PTK2B: variants seen among roughly 807,000 people sequenced by gnomAD.
PTK2B encodes the protein protein-tyrosine kinase 2-beta.
PTK2B carries 71 observed loss-of-function variants against 142.9 expected under a neutral mutation model. That is an observed-to-expected ratio of 0.50 (90% CI 0.41 to 0.61). The LOEUF (loss-of-function observed/expected upper bound fraction) is 0.61, where lower values mean the gene tolerates loss of function less well. Among genes scored for constraint, PTK2B ranks in the 20% least tolerant of loss-of-function variants. The pLI, the probability that PTK2B is intolerant of heterozygous loss-of-function variation, is 0.00. For synonymous variants in PTK2B, 519 were observed against 503.4 expected, an observed-to-expected ratio of 1.03 and a Z score of -0.42; for missense variants, 1,105 against 1,320.4, an observed-to-expected ratio of 0.84 and a Z score of 2.53.
intron 26 of PTK2B, among the ~76,000 whole-genome samples, 194 bp downstream of exon 26, chr8:27,451,272 C>T (rs1206334610): frequency 6.6e-6 from 1 of 152,136 alleles, no homozygotes; most frequent in Non-Finnish European, 1.5e-5. Context: ...CTCCTGTGAT[C>T]GTGCCCTTAG....
chr8:27,381,163 A>C (rs1806995016), intron 1 of PTK2B, among the ~76,000 whole-genome samples: 1 of 152,228 alleles, frequency 6.6e-6, no homozygotes, highest in East Asian at 1.9e-4. Context: ...CATATTCATC[A>C]TGGAAAGCAT....
At position 27,437,390 on chromosome 8, in the gene PTK2B, C is replaced by T; in HGVS notation, c.1427-6C>T. ...CACCTGTCCCTCTTGCCCCACCACA[C>T]TGCAGTGATCATGAAGAACCTCGAC... On this transcript the variant is annotated splice_polypyrimidine_tract_variant and splice_region_variant and intron_variant, in intron 16 of 30. Coordinates refer to ENST00000346049, the MANE Select transcript of PTK2B (RefSeq NM_173176.3). 1.2e-6 allele frequency: 2 copies of T among 1,610,352 alleles called. No individual in the cohort carries two copies. The highest frequency in any genetic ancestry group is 1.7e-6 in the Non-Finnish European group (2 of 1,178,002).
intron 1 of PTK2B, among the ~76,000 whole-genome samples, chr8:27,388,262 C>T (rs1347803521): frequency 2.0e-5 from 3 of 152,086 alleles, no homozygotes; most frequent in African/African-American, 7.2e-5. Context: ...CAGAGGGGGA[C>T]ATGAGATTTG....
intron 22 of PTK2B, among the ~76,000 whole-genome samples, chr8:27,443,527 T>C (rs141160563): frequency 3.7e-4 from 57 of 152,324 alleles, no homozygotes; most frequent in African/African-American, 1.3e-3. Flanking sequence ...TGGTGTCTTG[T>C]GAGGGCTCTC....
At position 27,434,522 on chromosome 8, in the gene PTK2B, G is replaced by A. The variant is rs1224367036; in HGVS notation, c.1155G>A (p.Glu385=). The A allele has an allele frequency of 1.9e-6, 3 of 1,609,138 alleles. No homozygotes were observed. In the African/African-American group the frequency reaches 4.0e-5, roughly 22 times the overall value. Reference sequence around the variant, plus strand: ...CTCTCACCTCCTACAGAAACCTGGAGGCCCGGCGGTCCCACCTCTCAGAGA... The same window carrying A: ...CTCTCACCTCCTACAGAAACCTGGAAGCCCGGCGGTCCCACCTCTCAGAGA... The part of the protein sequence containing the change: ...SLPQIPMLNL[E]ARRSHLSESC... Residue 385 remains glutamate (E), a synonymous_variant, in exon 13 of 31, where the codon GAG becomes GAA. Transcript: ENST00000346049.
Position 27,435,735 on chromosome 8 carries a change from T to G in PTK2B, c.1193-8T>G, listed in dbSNP as rs370152826. The G allele has an allele frequency of 6.2e-7, 1 of 1,614,030 alleles. No homozygotes were observed. Among genetic ancestry groups the G allele is most frequent in the Non-Finnish European group, 8.5e-7 (1 of 1,180,028 alleles). The stretch of plus-strand genomic sequence containing the variant: ...TGTCCACGGCTGAGCCTCTTCCTGT[T>G]GTTCCAGAGTCAGACATCTACGCAG... On this transcript the variant is annotated splice_polypyrimidine_tract_variant and splice_region_variant and intron_variant, in intron 13 of 30. Coordinates refer to ENST00000346049, the MANE Select transcript of PTK2B (RefSeq NM_173176.3).
intron 7 of PTK2B, 67 bp downstream of exon 7, chr8:27,430,485 C>T: frequency 6.3e-7 from 1 of 1,587,698 alleles, no homozygotes; most frequent in Non-Finnish European, 8.6e-7. Context: ...AGGGATGAGG[C>T]TGGGGCTGGG....
chr8:27,359,799 C>T (rs1355952960), intron 1 of PTK2B, among the ~76,000 whole-genome samples: 2 of 152,116 alleles, frequency 1.3e-5, no homozygotes, highest in East Asian at 3.9e-4. Context: ...CTTCTTCATG[C>T]CCAGGGCTGG....
At chr8:27,357,112 T>C (rs1805436191) in intron 1 of PTK2B, among the ~76,000 whole-genome samples, 1 of 152,182 alleles carries the variant, frequency 6.6e-6, no homozygotes, top group Non-Finnish European at 1.5e-5. Context: ...TGTAGTTCAG[T>C]CACAGTATTA....
chr8:27,321,665 A>G (rs1385855049), upstream of PTK2B, among the ~76,000 whole-genome samples: 1 of 152,228 alleles, frequency 6.6e-6, no homozygotes, highest in Non-Finnish European at 1.5e-5. Context: ...AGTTGCGTGC[A>G]TAACTTCTAC....
intron 2 of PTK2B, 25 bp downstream of exon 2, chr8:27,397,813 C>G: frequency 6.2e-7 from 1 of 1,609,376 alleles, no homozygotes; most frequent in East Asian, 2.2e-5. Flanking sequence ...TCTGCCCTGT[C>G]CATCTGTCTG....
At chr8:27,313,800 A>C (rs926158661) in intron 3 of PTK2B, among the ~76,000 whole-genome samples, 3 of 152,178 alleles carry the variant, frequency 2.0e-5, no homozygotes, top group African/African-American at 7.2e-5. Flanking sequence ...TACCAATCTC[A>C]AGTGTTTTTA....
At chr8:27,360,917 A>G (rs371847494) in intron 1 of PTK2B, among the ~76,000 whole-genome samples, 28 of 152,296 alleles carry the variant, frequency 1.8e-4, no homozygotes, top group African/African-American at 6.0e-4. Flanking sequence ...CGAAATGGTC[A>G]GTGGGGTGAT....
upstream of PTK2B, chr8:27,311,160 C>T (rs766120297): frequency 6.2e-7 from 1 of 1,607,166 alleles, no homozygotes; most frequent in Admixed American, 1.7e-5. Context: ...CGGAAGGGGT[C>T]GTAGCAGACG....
Position 27,342,118 on chromosome 8 carries a change from G to C in PTK2B, c.-38+16437G>C, listed in dbSNP as rs77175648. 4.5e-3 allele frequency among the ~76,000 whole-genome samples: 683 copies of C among 152,126 alleles called. 7 individuals carry two copies. The highest frequency in any genetic ancestry group is 0.035 in the East Asian group (178 of 5,158). ...ACCCCACTTTGAGAACCACTGCAGT[G>C]GAGGTCCCCCACAGGGATGTACCCT... On this transcript the variant is annotated intron_variant, in intron 1 of 30. Coordinates refer to ENST00000346049, the MANE Select transcript of PTK2B (RefSeq NM_173176.3).
intron 2 of PTK2B, among the ~76,000 whole-genome samples, chr8:27,417,291 G>A (rs1435804736): frequency 6.6e-6 from 1 of 152,204 alleles, no homozygotes; most frequent in Non-Finnish European, 1.5e-5. Flanking sequence ...GCAACAACAT[G>A]ATGGATCTCA....
At chr8:27,455,355 G>A (rs149679407) in intron 30 of PTK2B, among the ~76,000 whole-genome samples, 304 of 152,258 alleles carry the variant, frequency 2.0e-3, no homozygotes, top group African/African-American at 6.7e-3. Context: ...CTTGAGCTCA[G>A]GAGTTTGAGA....
chr8:27,333,536 A>T (rs533743678), intron 1 of PTK2B, among the ~76,000 whole-genome samples: 1 of 152,326 alleles, frequency 6.6e-6, no homozygotes, highest in East Asian at 1.9e-4. Flanking sequence ...TGGAGCATGC[A>T]GGCATCCCCT....
Position 27,437,382 on chromosome 8 carries a change from C to T in PTK2B, c.1427-14C>T, listed in dbSNP as rs764148434. The T allele has an allele frequency of 1.9e-6, 3 of 1,605,086 alleles. No homozygotes were observed. The highest frequency in any genetic ancestry group is 2.6e-6 in the Non-Finnish European group (3 of 1,174,978). ...AGCCGCTCCACCTGTCCCTCTTGCCCCACCACACTGCAGTGATCATGAAGA... is the reference window on the plus strand; with the variant it reads ...AGCCGCTCCACCTGTCCCTCTTGCCTCACCACACTGCAGTGATCATGAAGA... On this transcript the variant is annotated splice_polypyrimidine_tract_variant and intron_variant, in intron 16 of 30. Coordinates refer to ENST00000346049, the MANE Select transcript of PTK2B (RefSeq NM_173176.3).
Sources: allele counts gnomAD v4.1 joint callset (sites outside exome capture counted in the v4.1 genomes callset), GRCh38; gene constraint gnomAD v4.1.1; transcripts MANE v1.5; gene names NCBI Gene and HGNC (gene_info 2026-07-23, HGNC 2026-07-21).